The following NCKAP5 variants were observed in gnomAD, a reference collection of about 807,000 sequenced individuals.
NCKAP5 encodes the protein nck-associated protein 5.
A neutral mutation model predicts 167.0 loss-of-function variants in NCKAP5; 92 were observed. The observed-to-expected ratio is 0.55, with a 90% CI of 0.47 to 0.66. The LOEUF is 0.66. Ranked by LOEUF, NCKAP5 falls within the 30% of genes least tolerant of loss-of-function variation. The pLI, the probability that NCKAP5 is intolerant of heterozygous loss-of-function variation, is 0.00. For synonymous variants in NCKAP5, 891 were observed against 877.4 expected, an observed-to-expected ratio of 1.02 and a Z score of -0.27; for missense variants, 2,378 against 2,315.0, an observed-to-expected ratio of 1.03 and a Z score of -0.56.
upstream of NCKAP5, among the ~76,000 whole-genome samples, chr2:133,569,523 T>C (rs1005588424): frequency 2.0e-5 from 3 of 152,236 alleles, no homozygotes; most frequent in African/African-American, 7.2e-5. Context: ...TTGTAAGTGT[T>C]ATTTGTTTAT....
intron 11 of NCKAP5, among the ~76,000 whole-genome samples, chr2:132,813,082 A>C (rs1358102517): frequency 6.6e-6 from 1 of 152,230 alleles, no homozygotes; most frequent in Non-Finnish European, 1.5e-5. Context: ...CAAAAAAGAA[A>C]GAAAGGTCTT....
chr2:133,277,148 C>T (rs1172179137), intron 4 of NCKAP5, among the ~76,000 whole-genome samples: 2 of 152,136 alleles, frequency 1.3e-5, no homozygotes, highest in Admixed American at 1.3e-4. Context: ...TGTCCGCTGC[C>T]TCCACTTCTA....
intron 16 of NCKAP5, among the ~76,000 whole-genome samples, chr2:132,758,002 T>C (rs541472951): frequency 3.7e-4 from 56 of 152,334 alleles, no homozygotes; most frequent in African/African-American, 1.3e-3. Context: ...CTAGGGATTT[T>C]ACAAACTTCC....
intron 6 of NCKAP5, among the ~76,000 whole-genome samples, chr2:133,028,440 T>A (rs1023654637): frequency 6.6e-6 from 1 of 152,186 alleles, no homozygotes; most frequent in Admixed American, 6.5e-5. Context: ...TTCCTTAATG[T>A]CACTTGTATG....
chr2:133,167,750 T>A (rs763745964), intron 5 of NCKAP5, among the ~76,000 whole-genome samples: 12 of 152,180 alleles, frequency 7.9e-5, no homozygotes, highest in Non-Finnish European at 1.3e-4. Flanking sequence ...CCTCAGTTTA[T>A]TAGTAAAATG....
chr2:133,125,265 C>G (rs1574103547), intron 6 of NCKAP5, among the ~76,000 whole-genome samples: 1 of 151,164 alleles, frequency 6.6e-6, no homozygotes, highest in Non-Finnish European at 1.5e-5. Context: ...CTCAACGTAC[C>G]CCACCCTAAC....
chr2:133,573,093 G>T (rs1368707427), upstream of NCKAP5, among the ~76,000 whole-genome samples: 1 of 152,126 alleles, frequency 6.6e-6, no homozygotes, highest in East Asian at 1.9e-4. Flanking sequence ...AGACAAAACA[G>T]GTGCCACATT....
At chr2:132,868,214 G>T (rs557940642) in intron 10 of NCKAP5, among the ~76,000 whole-genome samples, 5 of 152,046 alleles carry the variant, frequency 3.3e-5, no homozygotes, top group Non-Finnish European at 7.4e-5. Context: ...AAATCTGAGG[G>T]AACTAAAATT....
intron 5 of NCKAP5, among the ~76,000 whole-genome samples, chr2:133,176,619 T>G (rs2084472836): frequency 6.6e-6 from 1 of 152,262 alleles, no homozygotes; most frequent in Non-Finnish European, 1.5e-5. Flanking sequence ...CACTTCCATG[T>G]GCTAGTAACC....
At chr2:132,890,959 T>C (rs781584159) in intron 8 of NCKAP5, among the ~76,000 whole-genome samples, 3 of 152,194 alleles carry the variant, frequency 2.0e-5, no homozygotes, top group Non-Finnish European at 4.4e-5. Context: ...CCTCACAATG[T>C]CCTTATTCTT....
intron 7 of NCKAP5, among the ~76,000 whole-genome samples, chr2:132,992,951 G>C (rs1407908313): frequency 6.7e-6 from 1 of 149,874 alleles, no homozygotes; most frequent in East Asian, 2.0e-4. Flanking sequence ...TTAGGATACA[G>C]CCTCGCCTCT....
At chr2:132,793,975 CT>C (rs1399574969) in intron 12 of NCKAP5, among the ~76,000 whole-genome samples, 1 of 151,870 alleles carries the variant, frequency 6.6e-6, no homozygotes, top group African/African-American at 2.4e-5. Flanking sequence ...CAGTAAATAA[CT>C]GTTCTGTGGT....
intron 8 of NCKAP5, among the ~76,000 whole-genome samples, chr2:132,950,319 T>C (rs1359496239): frequency 6.6e-6 from 1 of 152,180 alleles, no homozygotes; most frequent in Admixed American, 6.5e-5. Context: ...CTGGCTGGCA[T>C]CAAGAGGTTT....
intron 18 of NCKAP5, 45 bp from the exon 19 acceptor site, chr2:132,725,804 AAAT>A (rs762666217): frequency 6.3e-7 from 1 of 1,597,054 alleles, no homozygotes; most frequent in Non-Finnish European, 8.5e-7. Context: ...ATACAAATCA[AAAT>A]GAGGCAGAGC....
At position 132,783,091 on chromosome 2, in the gene NCKAP5, A is replaced by C; in HGVS notation, c.3720T>G (p.Ser1240Arg). 1 of 1,613,458 alleles carries C rather than the reference A, an allele frequency of 6.2e-7. No homozygotes were observed. The highest frequency in any genetic ancestry group is 1.1e-5 in the South Asian group (1 of 91,002). Residue 1240 changes from serine to arginine, a missense_variant, in exon 14 of 20, where the codon AGT becomes AGG. Around this residue, in one of 3 missense-constraint regions of NCKAP5, gnomAD observed 1,325 missense variants for 1,274.5 expected, o/e 1.04. Coordinates refer to ENST00000409261, the MANE Select transcript of NCKAP5 (RefSeq NM_207363.3). ...QEPLESSIPG[S>R]DGRDGVDNRS... ...TATTATCTACCCCATCCCTTCCATC[A>C]CTCCCAGGGATGCTACTTTCCAATG...
At chr2:132,860,647 A>G (rs1447549) in intron 10 of NCKAP5, 36 bp from the exon 11 acceptor site, 380,926 of 1,546,540 alleles carry the variant, frequency 0.25, 49,680 homozygotes, top group East Asian at 0.46. Flanking sequence ...AAAAGTCCAT[A>G]ACTGAAAGAT....
intron 3 of NCKAP5, among the ~76,000 whole-genome samples, chr2:133,460,793 A>C (rs7573460): frequency 0.58 from 88,094 of 151,954 alleles, 26,643 homozygotes; most frequent in East Asian, 0.75. Flanking sequence ...AAAATCCTAT[A>C]TTTTATTTTT....
intron 11 of NCKAP5, among the ~76,000 whole-genome samples, chr2:132,848,382 G>C (rs548385298): frequency 1.3e-5 from 2 of 152,200 alleles, no homozygotes; most frequent in African/African-American, 4.8e-5. Context: ...CAACATTAAT[G>C]ATAACGGCTT....
intron 16 of NCKAP5, among the ~76,000 whole-genome samples, chr2:132,750,845 C>A (rs943106079): frequency 2.0e-5 from 3 of 152,096 alleles, no homozygotes; most frequent in Non-Finnish European, 4.4e-5. Flanking sequence ...ACTTAGGGAG[C>A]CCAAGCACAC....
Sources: gnomAD v4.1 joint callset for allele counts (sites outside exome capture counted in the v4.1 genomes callset) on GRCh38, gnomAD v4.1.1 for gene constraint, gnomAD v4.1.1 regional missense constraint, MANE v1.5 for transcripts, NCBI Gene and HGNC (gene_info 2026-07-23, HGNC 2026-07-21) for gene names.